The following THSD7A variants were observed in gnomAD, a reference collection of about 807,000 sequenced individuals.
THSD7A encodes the protein thrombospondin type 1 domain containing 7A, also known as thrombospondin type-1 domain-containing protein 7A.
A neutral mutation model predicts 231.3 loss-of-function variants in THSD7A; 96 were observed. The ratio of observed to expected loss-of-function variants is 0.41; its 90% CI spans 0.35 to 0.49. The LOEUF (loss-of-function observed/expected upper bound fraction) is 0.49. THSD7A is among the 20% of genes least tolerant of loss of function. THSD7A has a pLI of 0.05. For missense variants in THSD7A, 2,290 were observed against 2,070.2 expected (o/e 1.11, Z -2.06); for synonymous variants, 940 against 743.3 (o/e 1.26, Z -4.30).
At chr7:11,828,187 T>A (rs760050067) in intron 1 of THSD7A, among the ~76,000 whole-genome samples, 1 of 152,230 alleles carries the variant, frequency 6.6e-6, no homozygotes, top group Non-Finnish European at 1.5e-5. Flanking sequence ...AAGTCCAATA[T>A]CTTACCATTG....
chr7:11,548,051 G>GAC (rs1789471447), intron 4 of THSD7A, among the ~76,000 whole-genome samples: 1 of 151,910 alleles, frequency 6.6e-6, no homozygotes, highest in African/African-American at 2.4e-5. Flanking sequence ...AAACCCACAA[G>GAC]CAAAACAATG....
intron 4 of THSD7A, among the ~76,000 whole-genome samples, chr7:11,555,508 T>A (rs976583781): frequency 1.3e-5 from 2 of 151,914 alleles, no homozygotes; most frequent in African/African-American, 4.8e-5. Flanking sequence ...TGGTATATGT[T>A]TCACTTGAAA....
rs75060768 is a variant in THSD7A at position 11,520,987 on chromosome 7, C to G, written c.1822+20432G>C. On this transcript the variant is annotated intron_variant, in intron 6 of 27. Coordinates refer to ENST00000423059, the MANE Select transcript of THSD7A (RefSeq NM_015204.3). ...TGAAAGGTCTTATAGGAAATCAGAACGCTGACTGTGCTATTCAAAAAATGC... is the reference window on the plus strand; with the variant it reads ...TGAAAGGTCTTATAGGAAATCAGAAGGCTGACTGTGCTATTCAAAAAATGC... 6.2e-3 allele frequency among the ~76,000 whole-genome samples: 939 copies of G among 152,256 alleles called. 34 individuals carry two copies. Among genetic ancestry groups the G allele is most frequent in the Admixed American group, 0.051 (776 of 15,288 alleles).
intron 1 of THSD7A, among the ~76,000 whole-genome samples, chr7:11,745,390 A>G (rs374849526): frequency 2.6e-5 from 4 of 151,926 alleles, no homozygotes; most frequent in East Asian, 3.9e-4. Flanking sequence ...CCCATTTTGT[A>G]GGTTGCTTGT....
chr7:11,598,179 T>C (rs1053519408), intron 2 of THSD7A, among the ~76,000 whole-genome samples: 9 of 152,178 alleles, frequency 5.9e-5, no homozygotes, highest in East Asian at 3.9e-4. Context: ...TACTGATTCA[T>C]TGGCTGTAGC....
chr7:11,807,797 A>G (rs1033276669), intron 1 of THSD7A, among the ~76,000 whole-genome samples: 1 of 152,182 alleles, frequency 6.6e-6, no homozygotes, highest in Non-Finnish European at 1.5e-5. Flanking sequence ...TTTTGCTACA[A>G]CTAAAATACA....
intron 1 of THSD7A, among the ~76,000 whole-genome samples, chr7:11,800,968 G>T (rs368253161): frequency 1.6e-4 from 25 of 152,178 alleles, no homozygotes; most frequent in South Asian, 4.1e-4. Context: ...TGGTCAAAGT[G>T]ATGGTATCAA....
chr7:11,593,275 T>C lies in THSD7A; in HGVS notation c.1250A>G (p.Asp417Gly), dbSNP rs1016885703. The C allele has an allele frequency of 3.7e-6, 6 of 1,613,874 alleles. No individual in the cohort carries two copies. The highest frequency in any genetic ancestry group is 5.1e-6 in the Non-Finnish European group (6 of 1,179,882). The change falls in exon 3 of 28, where the codon GAT becomes GGT. Residue 417 changes from aspartate (D) to glycine (G), a missense_variant. Transcript: ENST00000423059. The part of the protein sequence containing the change: ...EEKEPCLSQG[D>G]GVVPCATYGW... ...TCACGTGGCACAGGGGACAACTCCA[T>C]CTCCTTGAGACAAACAGGGTTCTTT...
chr7:11,493,539 T>C (rs546533899), intron 6 of THSD7A, among the ~76,000 whole-genome samples: 17 of 152,224 alleles, frequency 1.1e-4, no homozygotes, highest in African/African-American at 4.1e-4. Context: ...TGGGAACTAC[T>C]ATGTCTGCTC....
intron 23 of THSD7A, among the ~76,000 whole-genome samples, chr7:11,390,932 A>C (rs1034969344): frequency 1.3e-5 from 2 of 152,208 alleles, no homozygotes; most frequent in African/African-American, 4.8e-5. Flanking sequence ...GAGGCTACAG[A>C]ACAGCAAAGA....
intron 4 of THSD7A, among the ~76,000 whole-genome samples, chr7:11,581,393 T>A (rs1413621294): frequency 6.6e-6 from 1 of 152,138 alleles, no homozygotes; most frequent in East Asian, 1.9e-4. Flanking sequence ...TATTAGTACA[T>A]CATCCATGAC....
rs1268628813 is a variant in THSD7A at position 11,481,918 on chromosome 7, G to A, written c.1887C>T (p.Ala629=). The A allele has an allele frequency of 1.9e-6, 3 of 1,613,546 alleles. No homozygotes were observed. Among genetic ancestry groups the A allele is most frequent in the Non-Finnish European group, 2.5e-6 (3 of 1,179,702 alleles). The change falls in exon 7 of 28, where the codon GCC becomes GCT. Residue 629 remains alanine, a synonymous_variant. Coordinates refer to ENST00000423059, the MANE Select transcript of THSD7A (RefSeq NM_015204.3). ...AIFPIPVACD[A]PCPKDCVLST... ...TGAGCACACAGTCTTTCGGGCATGG[G>A]GCATCACAGGCCACAGGGATGGGGA...
chr7:11,572,379 C>A (rs1790676274), intron 4 of THSD7A, among the ~76,000 whole-genome samples: 1 of 152,218 alleles, frequency 6.6e-6, no homozygotes, highest in Non-Finnish European at 1.5e-5. Flanking sequence ...TAAGCCCACT[C>A]AGTGAGTTTT....
intron 4 of THSD7A, among the ~76,000 whole-genome samples, chr7:11,571,429 C>T (rs1251820315): frequency 6.6e-6 from 1 of 152,180 alleles, no homozygotes; most frequent in Admixed American, 6.5e-5. Context: ...TTGGCCGTGC[C>T]TTATATTTTA....
chr7:11,576,324 G>A (rs1019652600), intron 4 of THSD7A, among the ~76,000 whole-genome samples: 4 of 152,042 alleles, frequency 2.6e-5, no homozygotes, highest in Non-Finnish European at 4.4e-5. Flanking sequence ...TTCTAACTGC[G>A]CATAAACAAT....
intron 6 of THSD7A, among the ~76,000 whole-genome samples, chr7:11,498,343 T>A (rs1446355759): frequency 6.6e-6 from 1 of 152,200 alleles, no homozygotes; most frequent in Non-Finnish European, 1.5e-5. Context: ...CAGCACAGTA[T>A]AGCTGTGCTA....
At chr7:11,692,858 A>G (rs1205299217) in intron 1 of THSD7A, among the ~76,000 whole-genome samples, 3 of 151,586 alleles carry the variant, frequency 2.0e-5, no homozygotes, top group Non-Finnish European at 4.4e-5. Context: ...TAAGCCAAAT[A>G]GCTGAAATTC....
In THSD7A at chr7:11,473,081, A is replaced by G. The variant is rs535898630; in HGVS notation, c.2252+1253T>C. Among the ~76,000 whole-genome samples the G allele has an allele frequency of 4.6e-5, 7 of 152,302 alleles. No individual in the cohort carries two copies. The South Asian group carries it at 1.4e-3, about 32-fold the overall frequency. On this transcript the variant is annotated intron_variant, in intron 8 of 27. Transcript: ENST00000423059. The stretch of plus-strand genomic sequence containing the variant: ...AGGTTACCTATTAAACATGTGAAAT[A>G]GTCTTTCAATTTATTCAAATCTCAC...
chr7:11,540,791 G>A (rs1169123425), intron 6 of THSD7A, among the ~76,000 whole-genome samples: 1 of 152,192 alleles, frequency 6.6e-6, no homozygotes, highest in Non-Finnish European at 1.5e-5. Context: ...AATATTAGTT[G>A]TAAAAGTCCA....
Sources: allele counts gnomAD v4.1 joint callset (sites outside exome capture counted in the v4.1 genomes callset), GRCh38; gene constraint gnomAD v4.1.1; transcripts MANE v1.5; gene names NCBI Gene and HGNC (gene_info 2026-07-23, HGNC 2026-07-21).